Variants in JAKMIP2 observed in about 807,000 individuals in gnomAD.
The protein encoded by JAKMIP2 is janus kinase and microtubule-interacting protein 2.
Under a neutral mutation model 115.0 loss-of-function variants are expected in JAKMIP2, and 25 were observed. That is an observed-to-expected ratio of 0.22 (90% confidence interval 0.16 to 0.30). The LOEUF (loss-of-function observed/expected upper bound fraction) is 0.30, where lower values mean the gene tolerates loss of function less well. Among genes scored for constraint, JAKMIP2 ranks in the 10% least tolerant of loss-of-function variants. JAKMIP2 has a pLI of 1.00. For missense variants in JAKMIP2, 642 were observed against 957.6 expected (o/e 0.67, Z 4.35); for synonymous variants, 334 against 343.6 (o/e 0.97, Z 0.31).
At chr5:147,613,146 AT>A (rs1288422379) in intron 19 of JAKMIP2, among the ~76,000 whole-genome samples, 1 of 152,234 alleles carries the variant, frequency 6.6e-6, no homozygotes, top group East Asian at 1.9e-4. Context: ...TAAACACCGA[AT>A]ATTTGAAATC....
At chr5:147,729,170 G>A (rs1753628582) in intron 1 of JAKMIP2, among the ~76,000 whole-genome samples, 1 of 152,246 alleles carries the variant, frequency 6.6e-6, no homozygotes, top group African/African-American at 2.4e-5. Context: ...GGATGTCCCT[G>A]AATTAAGAGT....
intron 9 of JAKMIP2, among the ~76,000 whole-genome samples, chr5:147,640,496 T>G (rs932246640): frequency 1.3e-5 from 2 of 152,198 alleles, no homozygotes; most frequent in African/African-American, 4.8e-5. Context: ...AGAGTTGAAC[T>G]GGAGAGAAAT....
chr5:147,667,614 G>C (rs1759365950), intron 2 of JAKMIP2, among the ~76,000 whole-genome samples: 1 of 152,132 alleles, frequency 6.6e-6, no homozygotes, highest in African/African-American at 2.4e-5. Context: ...GATTTTCATG[G>C]GCACAAAGCA....
chr5:147,623,735 T>G (rs1220740873), intron 16 of JAKMIP2, 46 bp from the exon 17 acceptor site: 1 of 1,263,808 alleles, frequency 7.9e-7, no homozygotes, highest in Admixed American at 1.7e-5. Context: ...CTGCTTGATA[T>G]GGTGTATATC....
At chr5:147,608,816 T>C (rs145074243) in intron 20 of JAKMIP2, among the ~76,000 whole-genome samples, 220 of 152,304 alleles carry the variant, frequency 1.4e-3, no homozygotes, top group African/African-American at 5.0e-3. Flanking sequence ...TCTAAGTCTC[T>C]TTGTAGGTCT....
intron 1 of JAKMIP2, among the ~76,000 whole-genome samples, chr5:147,757,203 A>G (rs180884748): frequency 6.6e-6 from 1 of 152,226 alleles, no homozygotes; most frequent in Non-Finnish European, 1.5e-5. Context: ...ATGAAAAATA[A>G]CCCAAAGGAT....
intron 1 of JAKMIP2, among the ~76,000 whole-genome samples, chr5:147,729,785 A>AAC (rs1753659697): frequency 6.6e-6 from 1 of 152,066 alleles, no homozygotes; most frequent in African/African-American, 2.4e-5. Flanking sequence ...AAAAAAAAAA[A>AAC]AAAAAACTTT....
Position 147,591,472 on chromosome 5 carries a change from T to G in JAKMIP2, c.*235A>C. The G allele has an allele frequency of 1.7e-6, 1 of 587,318 alleles. No individual in the cohort carries two copies. The highest frequency in any genetic ancestry group is 3.2e-5 in the East Asian group (1 of 31,294). The allele number at this position is 587,318 out of a possible 1,614,324, so 36.4% of individuals were successfully genotyped here. A position where few individuals can be genotyped will look rare whatever the true frequency, so the allele number is the denominator to read the frequency against. ...CTGATTTGACATATACATGTTTCATTAAATGCAGCATATATTGTAGATTTT... is the reference window on the plus strand; with the variant it reads ...CTGATTTGACATATACATGTTTCATGAAATGCAGCATATATTGTAGATTTT... On this transcript the variant is annotated 3_prime_UTR_variant, in exon 22 of 22. Coordinates refer to ENST00000616793, the MANE Select transcript of JAKMIP2 (RefSeq NM_001270941.2).
chr5:147,591,743 TA>T, intron 21 of JAKMIP2, 57 bp from the exon 22 acceptor site: 1 of 1,097,228 alleles, frequency 9.1e-7, no homozygotes, highest in South Asian at 1.4e-5. Flanking sequence ...AGCTGAATCA[TA>T]AAAAACAAAC....
At position 147,672,590 on chromosome 5, in the gene JAKMIP2, GATCT is replaced by G. The variant is rs758234204; in HGVS notation, c.-148-640_-148-637del. 2.4e-3 allele frequency among the ~76,000 whole-genome samples: 357 copies of G among 150,602 alleles called. 1 individual carries two copies. The highest frequency in any genetic ancestry group is 8.4e-3 in the South Asian group (40 of 4,734). On this transcript the variant is annotated intron_variant, in intron 1 of 21. Coordinates refer to ENST00000616793, the MANE Select transcript of JAKMIP2 (RefSeq NM_001270941.2). Reference sequence around the variant, plus strand: ...TCTATCTATCTATCTATCTATCAACGATCTATCTATCTACGTCACCATCCATAAT... The same window carrying G: ...TCTATCTATCTATCTATCTATCAACGATCTATCTACGTCACCATCCATAAT...
chr5:147,717,751 G>A (rs1249216763), intron 1 of JAKMIP2, among the ~76,000 whole-genome samples: 1 of 146,006 alleles, frequency 6.8e-6, no homozygotes, highest in Non-Finnish European at 1.5e-5. Flanking sequence ...TTTGGGCTGA[G>A]ACAATGGGGT....
intron 20 of JAKMIP2, among the ~76,000 whole-genome samples, chr5:147,606,885 A>C (rs1322876590): frequency 6.6e-6 from 1 of 152,112 alleles, no homozygotes; most frequent in African/African-American, 2.4e-5. Flanking sequence ...TTCTTCTTGA[A>C]GTGGTCCTTC....
At chr5:147,778,019 T>C (rs1308307299) in intron 1 of JAKMIP2, among the ~76,000 whole-genome samples, 1 of 152,124 alleles carries the variant, frequency 6.6e-6, no homozygotes, top group Non-Finnish European at 1.5e-5. Flanking sequence ...GGTGGAGAGA[T>C]AATTAGGACA....
intron 2 of JAKMIP2, among the ~76,000 whole-genome samples, chr5:147,668,459 T>C (rs1759414389): frequency 6.6e-6 from 1 of 152,210 alleles, no homozygotes; most frequent in Non-Finnish European, 1.5e-5. Context: ...ATCCTTTCTC[T>C]ACCCAAGCCT....
chr5:147,662,161 T>TACACACACACACAC (rs61492351), intron 2 of JAKMIP2, among the ~76,000 whole-genome samples: 1,736 of 147,098 alleles, frequency 0.012, 42 homozygotes, highest in East Asian at 0.098. Context: ...CCCCAAGTTT[T>TACACACACACACAC]ACACACACAC....
intron 1 of JAKMIP2, among the ~76,000 whole-genome samples, chr5:147,727,471 G>A (rs887606590): frequency 7.9e-5 from 12 of 152,172 alleles, no homozygotes; most frequent in Non-Finnish European, 1.8e-4. Context: ...AGGCAAAAGG[G>A]AAGCAAGGAA....
chr5:147,624,107 A>G (rs189792819), intron 16 of JAKMIP2, among the ~76,000 whole-genome samples: 4 of 152,184 alleles, frequency 2.6e-5, no homozygotes, highest in African/African-American at 9.6e-5. Context: ...TGCTGTGATT[A>G]TAGGTGCGAG....
At chr5:147,725,870 C>T (rs1483659867) in intron 1 of JAKMIP2, among the ~76,000 whole-genome samples, 1 of 152,120 alleles carries the variant, frequency 6.6e-6, no homozygotes, top group Non-Finnish European at 1.5e-5. Flanking sequence ...CTATGGGTGA[C>T]AGGACTAGGC....
intron 10 of JAKMIP2, among the ~76,000 whole-genome samples, chr5:147,638,473 C>A (rs1378947679): frequency 6.6e-6 from 1 of 152,224 alleles, no homozygotes; most frequent in African/African-American, 2.4e-5. Context: ...ATATATATGA[C>A]AGCCTACAGG....
Sources: allele counts gnomAD v4.1 joint callset (sites outside exome capture counted in the v4.1 genomes callset), GRCh38; gene constraint gnomAD v4.1.1; transcripts MANE v1.5; gene names NCBI Gene and HGNC (gene_info 2026-07-23, HGNC 2026-07-21).